The following NUP43 variants were observed in gnomAD, a reference collection of about 807,000 sequenced individuals.
NUP43 encodes the protein nucleoporin 43.
A neutral mutation model predicts 47.3 loss-of-function variants in NUP43; 32 were observed. The observed-to-expected ratio is 0.68, with a 90% CI of 0.51 to 0.91. NUP43 has a LOEUF of 0.91. Among genes scored for constraint, NUP43 ranks in the 40% least tolerant of loss-of-function variants. The pLI, the probability that NUP43 is intolerant of heterozygous loss-of-function variation, is 0.00. For synonymous variants in NUP43, 147 were observed against 158.4 expected (o/e 0.93, Z 0.54); for missense variants, 444 against 453.9 (o/e 0.98, Z 0.20).
At chr6:149,744,263 C>T (rs1005855708) in intron 2 of NUP43, among the ~76,000 whole-genome samples, 6 of 152,056 alleles carry the variant, frequency 3.9e-5, no homozygotes, top group Non-Finnish European at 7.4e-5. Flanking sequence ...CGGTGGCTGA[C>T]GCCTGTAATC....
intron 2 of NUP43, among the ~76,000 whole-genome samples, chr6:149,744,390 G>A (rs945424105): frequency 6.6e-6 from 1 of 151,694 alleles, no homozygotes; most frequent in Non-Finnish European, 1.5e-5. Flanking sequence ...TGGGCGTGCT[G>A]GCATGTGCCT....
chr6:149,746,150 C>T (rs1785984219), intron 1 of NUP43, 88 bp from the exon 2 acceptor site: 1 of 1,436,958 alleles, frequency 7.0e-7, no homozygotes, highest in Non-Finnish European at 9.6e-7. Flanking sequence ...AATGTTGCTC[C>T]AAAACATCTC....
intron 7 of NUP43, chr6:149,728,448 C>T (rs1784888515): frequency 1.7e-5 from 17 of 984,106 alleles, no homozygotes; most frequent in South Asian, 9.4e-5. Flanking sequence ...TGCATGCATG[C>T]TCCACACATG....
intron 2 of NUP43, 99 bp downstream of exon 2, chr6:149,745,841 A>C (rs1785961446): frequency 5.6e-6 from 6 of 1,065,886 alleles, no homozygotes; most frequent in African/African-American, 1.6e-5. Context: ...GTTTTCTGTA[A>C]ACGAGGGGTG....
At position 149,726,917 on chromosome 6, in the gene NUP43, T is replaced by C; in HGVS notation, c.*52A>G. ...ACTAAAATTTTGCACAGAAGTTGGA[T>C]TTCAAAAGGCTAATTGCATGTTCTA... On this transcript the variant is annotated 3_prime_UTR_variant, in exon 8 of 8. Coordinates refer to ENST00000340413, the MANE Select transcript of NUP43 (RefSeq NM_198887.3). 3.4e-6 allele frequency: 5 copies of C among 1,453,040 alleles called. No homozygotes were observed. The highest frequency in any genetic ancestry group is 4.8e-6 in the Non-Finnish European group (5 of 1,046,730). The allele number at this position is 1,453,040 out of a possible 1,614,324, so 90.0% of individuals were successfully genotyped here. A position where few individuals can be genotyped will look rare whatever the true frequency, so the allele number is the denominator to read the frequency against.
At chr6:149,739,293 C>G (rs1785524868) in intron 4 of NUP43, among the ~76,000 whole-genome samples, 1 of 151,230 alleles carries the variant, frequency 6.6e-6, no homozygotes, top group African/African-American at 2.4e-5. Context: ...TTTTCTTTTT[C>G]TTTTTGTTTT....
chr6:149,747,941 T>C (rs975423930), upstream of NUP43, among the ~76,000 whole-genome samples: 2 of 152,210 alleles, frequency 1.3e-5, no homozygotes, highest in African/African-American at 4.8e-5. Context: ...ATCAAGAAAC[T>C]GTAGAAAGAT....
rs1433085983 is a variant in NUP43, at chr6:149,731,835, A to G, written c.791-100T>C. The G allele has an allele frequency of 9.6e-6, 12 of 1,249,056 alleles. No homozygotes were observed. The Admixed American group carries it at 2.1e-4, about 22-fold the overall frequency. 77.4% of individuals were successfully genotyped at this position (1,249,056 alleles called of 1,614,324 possible). A position where few individuals can be genotyped will look rare whatever the true frequency, so the allele number is the denominator to read the frequency against. On this transcript the variant is annotated intron_variant, in intron 6 of 7. Coordinates refer to ENST00000340413, the MANE Select transcript of NUP43 (RefSeq NM_198887.3). ...GCATCATCTTCCATTATCCTCCATC[A>G]CATACCTTCGAGCCTCAAGTCTGTC...
At chr6:149,743,068 T>G (rs1442489840) in intron 3 of NUP43, among the ~76,000 whole-genome samples, 1 of 151,618 alleles carries the variant, frequency 6.6e-6, no homozygotes, top group Non-Finnish European at 1.5e-5. Context: ...CCCAGCTACT[T>G]GAAAGGCTGA....
intron 1 of NUP43, 69 bp downstream of exon 1, chr6:149,746,286 AGAAGGTGGGAGTTGGCGCGCG>A (rs1785995111): frequency 6.5e-7 from 1 of 1,545,098 alleles, no homozygotes; most frequent in Admixed American, 1.8e-5. Flanking sequence ...GAGAAGAACC[AGAAGGTGGGAGTTGGCGCGCG>A]GAAGGCCAGG....
At chr6:149,739,581 C>A (rs1185879051) in intron 4 of NUP43, among the ~76,000 whole-genome samples, 1 of 152,108 alleles carries the variant, frequency 6.6e-6, no homozygotes. Flanking sequence ...CCCACCAGGC[C>A]CAGCCTTGAA....
At chr6:149,749,011 T>TA (rs1350560676), upstream of NUP43, among the ~76,000 whole-genome samples, 1 of 152,130 alleles carries the variant, frequency 6.6e-6, no homozygotes, top group Non-Finnish European at 1.5e-5. Context: ...AATGCACACT[T>TA]ACGTCGGGAG....
intron 7 of NUP43, chr6:149,728,454 A>G: frequency 1.0e-6 from 1 of 984,838 alleles, no homozygotes; most frequent in Non-Finnish European, 1.2e-6. Context: ...CATGCTCCAC[A>G]CATGCTCTCC....
chr6:149,730,374 C>T (rs1263478853), intron 7 of NUP43, among the ~76,000 whole-genome samples: 2 of 152,186 alleles, frequency 1.3e-5, no homozygotes, highest in African/African-American at 2.4e-5. Context: ...TTGCCATTCA[C>T]ACAAACTTGG....
At chr6:149,739,706 AC>A (rs1335313591) in intron 4 of NUP43, among the ~76,000 whole-genome samples, 1 of 152,038 alleles carries the variant, frequency 6.6e-6, no homozygotes, top group Non-Finnish European at 1.5e-5. Flanking sequence ...CTTACTTCCC[AC>A]TAGTCCCTGA....
intron 5 of NUP43, 37 bp from the exon 6 acceptor site, chr6:149,736,659 A>T (rs1018811668): frequency 6.5e-7 from 1 of 1,527,298 alleles, no homozygotes. Flanking sequence ...AAAATCAAAT[A>T]AAGTATAATT....
At chr6:149,738,083 C>T (rs1785459936) in intron 5 of NUP43, among the ~76,000 whole-genome samples, 1 of 152,150 alleles carries the variant, frequency 6.6e-6, no homozygotes, top group African/African-American at 2.4e-5. Context: ...CACAATTATT[C>T]ATTTTCACTT....
intron 2 of NUP43, among the ~76,000 whole-genome samples, chr6:149,744,321 C>T (rs970532538): frequency 4.0e-5 from 6 of 151,668 alleles, no homozygotes; most frequent in Non-Finnish European, 2.9e-5. Flanking sequence ...GTCAGGAGTT[C>T]GAGACCAGCC....
At chr6:149,737,055 C>T (rs1785403579) in intron 5 of NUP43, among the ~76,000 whole-genome samples, 1 of 151,928 alleles carries the variant, frequency 6.6e-6, no homozygotes, top group Admixed American at 6.6e-5. Flanking sequence ...CTTTGGGAGG[C>T]CAAGGCAGGT....
Sources: allele counts gnomAD v4.1 joint callset (sites outside exome capture counted in the v4.1 genomes callset), GRCh38; gene constraint gnomAD v4.1.1; transcripts MANE v1.5; gene names NCBI Gene and HGNC (gene_info 2026-07-23, HGNC 2026-07-21).